NBEA: variants seen among roughly 807,000 people sequenced by gnomAD.
NBEA encodes lysosomal-trafficking regulator 2.
NBEA carries 44 observed loss-of-function variants against 343.4 expected under a neutral mutation model. That is an observed-to-expected ratio of 0.13 (90% CI 0.10 to 0.16). The LOEUF (loss-of-function observed/expected upper bound fraction) is 0.16, where lower values mean the gene tolerates loss of function less well. Ranked by LOEUF, NBEA falls within the 10% of genes least tolerant of loss-of-function variation. The pLI is 1.00. For missense variants in NBEA, 2,555 were observed against 3,631.3 expected (o/e 0.70, Z 7.62); for synonymous variants, 1,175 against 1,238.7 (o/e 0.95, Z 1.08).
intron 35 of NBEA, among the ~76,000 whole-genome samples, chr13:35,297,175 A>G (rs55913436): frequency 0.041 from 6,290 of 152,134 alleles, 149 homozygotes; most frequent in South Asian, 0.078. Flanking sequence ...TATTCCAAGT[A>G]TTAATGAAAC....
chr13:35,393,706 A>G (rs1429981634), intron 38 of NBEA, among the ~76,000 whole-genome samples: 1 of 152,120 alleles, frequency 6.6e-6, no homozygotes, highest in Non-Finnish European at 1.5e-5. Flanking sequence ...AAGTAGCTAA[A>G]ACACTAAGAC....
chr13:35,405,177 T>A (rs17815638), intron 38 of NBEA, among the ~76,000 whole-genome samples: 1 of 152,208 alleles, frequency 6.6e-6, no homozygotes, highest in African/African-American at 2.4e-5. Flanking sequence ...CAAAAATACA[T>A]GCACTTTAGT....
intron 38 of NBEA, among the ~76,000 whole-genome samples, chr13:35,415,954 C>G (rs1051185172): frequency 1.3e-5 from 2 of 152,060 alleles, no homozygotes; most frequent in Non-Finnish European, 2.9e-5. Flanking sequence ...CTTCACATCC[C>G]TTGTAAGTTG....
chr13:35,291,706 G>C (rs963471051), intron 35 of NBEA, among the ~76,000 whole-genome samples: 3 of 151,930 alleles, frequency 2.0e-5, no homozygotes, highest in Non-Finnish European at 4.4e-5. Context: ...GAGAAATAAA[G>C]AGGAATGTAG....
chr13:35,208,804 A>G lies in NBEA; in HGVS notation c.5471A>G (p.Asn1824Ser). 1 of 1,609,722 alleles carries G rather than the reference A, an allele frequency of 6.2e-7. No homozygotes were observed. Among genetic ancestry groups the G allele is most frequent in the South Asian group, 1.1e-5 (1 of 90,408 alleles). The part of the protein sequence containing the change: ...GSGLPTGSTS[N>S]IFAATGATPK... ...GGGCTGCCAACAGGCAGTACCTCTAATATATTTGCTGCTACTGGAGCTACA... is the reference window on the plus strand; with the variant it reads ...GGGCTGCCAACAGGCAGTACCTCTAGTATATTTGCTGCTACTGGAGCTACA... Residue 1824 changes from asparagine (N) to serine (S), a missense_variant, in exon 32 of 59, where the codon AAT becomes AGT. By Grantham distance (46) the Asn-to-Ser change is conservative. Around this residue, in one of 21 missense-constraint regions of NBEA, gnomAD observed 270 missense variants for 293.3 expected, o/e 0.92. Coordinates refer to ENST00000379939, the MANE Select transcript of NBEA (RefSeq NM_001385012.1).
intron 38 of NBEA, among the ~76,000 whole-genome samples, chr13:35,402,293 A>G (rs2043037506): frequency 1.3e-5 from 2 of 152,030 alleles, no homozygotes; most frequent in Admixed American, 6.6e-5. Flanking sequence ...ATTAAATGTT[A>G]TCTTTAAATA....
chr13:35,496,123 T>G (rs1040804641), intron 41 of NBEA, among the ~76,000 whole-genome samples: 1 of 151,926 alleles, frequency 6.6e-6, no homozygotes, highest in African/African-American at 2.4e-5. Flanking sequence ...TAACTGTACT[T>G]TTCAGTTCAG....
At chr13:35,236,742 C>T (rs960632991) in intron 34 of NBEA, among the ~76,000 whole-genome samples, 3 of 151,756 alleles carry the variant, frequency 2.0e-5, no homozygotes, top group African/African-American at 7.3e-5. Context: ...AGCCATGAGC[C>T]ACCCCGCCCG....
intron 34 of NBEA, among the ~76,000 whole-genome samples, chr13:35,273,303 A>G (rs1280419718): frequency 3.3e-5 from 5 of 152,222 alleles, no homozygotes; most frequent in African/African-American, 1.2e-4. Flanking sequence ...CTTTGAAACC[A>G]ATGAGAACAA....
chr13:35,304,662 C>T (rs989484661), intron 35 of NBEA, among the ~76,000 whole-genome samples: 4 of 152,108 alleles, frequency 2.6e-5, no homozygotes, highest in African/African-American at 9.7e-5. Flanking sequence ...TTTTGACAGT[C>T]TGTTACCCTG....
At position 35,646,227 on chromosome 13, in the gene NBEA, T is replaced by C. The variant is rs191342087; in HGVS notation, c.7681-32T>C. On this transcript the variant is annotated intron_variant, in intron 50 of 58. Transcript: ENST00000379939. ...GTTGGCCTCTCTCTTTGATGCATAT[T>C]GATTATGACAATCACCCTCCTTCCC... 7.3e-6 allele frequency: 11 copies of C among 1,506,216 alleles called. No individual in the cohort carries two copies. In the African/African-American group the frequency reaches 9.6e-5, roughly 13 times the overall value. 93.3% of individuals were successfully genotyped at this position (1,506,216 alleles called of 1,614,324 possible).
At chr13:34,988,290 T>C (rs2152513362) in intron 1 of NBEA, among the ~76,000 whole-genome samples, 1 of 151,150 alleles carries the variant, frequency 6.6e-6, no homozygotes, top group South Asian at 2.1e-4. Context: ...TTCTCTGAGC[T>C]CAAACACCAT....
At chr13:35,417,715 G>C (rs1001752671) in intron 38 of NBEA, among the ~76,000 whole-genome samples, 6 of 152,162 alleles carry the variant, frequency 3.9e-5, no homozygotes, top group African/African-American at 1.4e-4. Context: ...ATATTCTGTT[G>C]ATGTGGGGTG....
rs188765777 is a variant in NBEA at position 35,399,717 on chromosome 13, A to G, written c.6180-32552A>G. 2.6e-3 allele frequency among the ~76,000 whole-genome samples: 395 copies of G among 152,272 alleles called. 3 individuals are homozygous for G. The highest frequency in any genetic ancestry group is 9.1e-3 in the African/African-American group (380 of 41,570). On this transcript the variant is annotated intron_variant, in intron 38 of 58. Transcript: ENST00000379939. ...ACAACTTGGCTAACCATTTGGAGAA[A>G]GAGACCTCGCTTTTGGCCTGTTTCA...
intron 48 of NBEA, among the ~76,000 whole-genome samples, chr13:35,615,334 C>T (rs1310009987): frequency 6.7e-6 from 1 of 150,092 alleles, no homozygotes; most frequent in Non-Finnish European, 1.5e-5. Context: ...TGACCTGAAA[C>T]CCATTGAGGT....
intron 13 of NBEA, among the ~76,000 whole-genome samples, chr13:35,112,222 T>A (rs1422621342): frequency 1.3e-5 from 2 of 152,138 alleles, no homozygotes; most frequent in African/African-American, 4.8e-5. Context: ...TATTTCTTTT[T>A]ATTAATGGGG....
intron 38 of NBEA, among the ~76,000 whole-genome samples, chr13:35,379,726 A>G (rs1436727955): frequency 7.1e-6 from 1 of 141,324 alleles, no homozygotes; most frequent in Non-Finnish European, 1.5e-5. Flanking sequence ...TTTTTTTTGC[A>G]TGGATATTCA....
At position 35,671,013 on chromosome 13, in the gene NBEA, C is replaced by T; in HGVS notation, c.*22C>T. 6.5e-7 allele frequency: 1 copy of T among 1,528,448 alleles called. No individual in the cohort carries two copies. The allele number at this position is 1,528,448 out of a possible 1,614,324, so 94.7% of individuals were successfully genotyped here. ...CTGAAGATAAAGGAAGAACCAAAAG[C>T]CAAGTTAAAGCTGAGAGCACAAGTG... On this transcript the variant is annotated 3_prime_UTR_variant, in exon 59 of 59. Transcript: ENST00000379939.
chr13:35,655,800 T>C, intron 55 of NBEA, 51 bp downstream of exon 55: 1 of 1,506,034 alleles, frequency 6.6e-7, no homozygotes, highest in Non-Finnish European at 9.0e-7. Flanking sequence ...TATTTAAATA[T>C]ATTTTGCCTT....
Sources: gnomAD v4.1 joint callset for allele counts (sites outside exome capture counted in the v4.1 genomes callset) on GRCh38, gnomAD v4.1.1 for gene constraint, gnomAD v4.1.1 regional missense constraint, MANE v1.5 for transcripts, NCBI Gene and HGNC (gene_info 2026-07-23, HGNC 2026-07-21) for gene names.